Variants in SLC4A10 observed in about 807,000 individuals in gnomAD.
SLC4A10 encodes the protein solute carrier family 4 member 10.
In SLC4A10, 42 loss-of-function variants were observed where a neutral mutation model predicts 137.7. The observed-to-expected ratio is 0.30, with a 90% confidence interval of 0.24 to 0.39. The LOEUF is 0.39. Among genes scored for constraint, SLC4A10 ranks in the 10% least tolerant of loss-of-function variants. The pLI is 1.00. For missense variants in SLC4A10, 925 were observed against 1,355.0 expected (o/e 0.68, Z 4.98); for synonymous variants, 474 against 464.1 (o/e 1.02, Z -0.27).
chr2:161,786,216 G>T (rs73017158), intron 2 of SLC4A10, among the ~76,000 whole-genome samples: 2,978 of 151,400 alleles, frequency 0.02, 99 homozygotes, highest in African/African-American at 0.067. Context: ...TATAAATTCT[G>T]TTTTTTTCTG....
At chr2:161,779,185 A>G (rs1009947713) in intron 2 of SLC4A10, among the ~76,000 whole-genome samples, 1 of 151,906 alleles carries the variant, frequency 6.6e-6, no homozygotes, top group Non-Finnish European at 1.5e-5. Flanking sequence ...CTTGAGGGAG[A>G]TAATCCATTT....
intron 1 of SLC4A10, among the ~76,000 whole-genome samples, chr2:161,630,328 G>A (rs556810237): frequency 6.6e-6 from 1 of 151,724 alleles, no homozygotes; most frequent in Non-Finnish European, 1.5e-5. Context: ...TTTGGTATTA[G>A]GGTGATGGCC....
intron 15 of SLC4A10, among the ~76,000 whole-genome samples, chr2:161,914,460 G>A (rs1457651008): frequency 6.6e-6 from 1 of 152,066 alleles, no homozygotes; most frequent in Non-Finnish European, 1.5e-5. Flanking sequence ...GGCTCAAAGA[G>A]GTTTGTGTAC....
At chr2:161,701,143 C>T (rs1384551345) in intron 1 of SLC4A10, among the ~76,000 whole-genome samples, 1 of 151,982 alleles carries the variant, frequency 6.6e-6, no homozygotes, top group Non-Finnish European at 1.5e-5. Flanking sequence ...ATCCCAAGGG[C>T]AAAACCAGGA....
intron 2 of SLC4A10, among the ~76,000 whole-genome samples, chr2:161,802,476 C>G (rs878943031): frequency 6.6e-6 from 1 of 152,040 alleles, no homozygotes; most frequent in Admixed American, 6.6e-5. Context: ...TCAGTTATCC[C>G]TTTCAAAGAA....
intron 1 of SLC4A10, among the ~76,000 whole-genome samples, chr2:161,748,614 C>A (rs1394023943): frequency 6.6e-6 from 1 of 152,050 alleles, no homozygotes; most frequent in East Asian, 1.9e-4. Flanking sequence ...TATTTCTGGA[C>A]TTTACACTCT....
At chr2:161,721,900 CT>C (rs1337377847) in intron 1 of SLC4A10, among the ~76,000 whole-genome samples, 1 of 152,218 alleles carries the variant, frequency 6.6e-6, no homozygotes, top group African/African-American at 2.4e-5. Context: ...ATTCTTCTTT[CT>C]CTAATCTTGT....
chr2:161,885,308 T>A (rs1205180696), intron 10 of SLC4A10, among the ~76,000 whole-genome samples: 1 of 152,158 alleles, frequency 6.6e-6, no homozygotes, highest in African/African-American at 2.4e-5. Flanking sequence ...TGCATTGGAG[T>A]GCATTATCAA....
chr2:161,891,990 G>A (rs2062976849), intron 10 of SLC4A10, among the ~76,000 whole-genome samples: 1 of 152,028 alleles, frequency 6.6e-6, no homozygotes, highest in Non-Finnish European at 1.5e-5. Context: ...ACTGAAATCA[G>A]ACTGTTAAGT....
intron 1 of SLC4A10, among the ~76,000 whole-genome samples, chr2:161,633,874 T>C (rs1196058891): frequency 6.6e-6 from 1 of 151,828 alleles, no homozygotes; most frequent in African/African-American, 2.4e-5. Context: ...AAAGTAAATA[T>C]AAACTAATTT....
intron 1 of SLC4A10, among the ~76,000 whole-genome samples, chr2:161,643,892 T>C (rs1450661583): frequency 1.3e-5 from 2 of 152,096 alleles, no homozygotes; most frequent in Non-Finnish European, 2.9e-5. Flanking sequence ...TGGGGTGGAT[T>C]CAAAATAAGA....
intron 1 of SLC4A10, among the ~76,000 whole-genome samples, chr2:161,726,858 G>A (rs1180392840): frequency 2.0e-5 from 3 of 152,214 alleles, no homozygotes; most frequent in East Asian, 1.9e-4. Context: ...GCAGTGGGCC[G>A]AGACTGTGCC....
At chr2:161,744,024 CT>C (rs913364047) in intron 1 of SLC4A10, among the ~76,000 whole-genome samples, 32 of 152,052 alleles carry the variant, frequency 2.1e-4, no homozygotes, top group African/African-American at 6.3e-4. Flanking sequence ...CTCTAGTAGG[CT>C]TTTTTTGTGG....
intron 2 of SLC4A10, among the ~76,000 whole-genome samples, chr2:161,776,856 G>GGTGTGT (rs71009340): frequency 0.029 from 4,084 of 143,182 alleles, 128 homozygotes; most frequent in African/African-American, 0.083. Flanking sequence ...CTTATTTTCT[G>GGTGTGT]GTGTGTGTGT....
chr2:161,966,176 G>A (rs2105920707), intron 23 of SLC4A10, among the ~76,000 whole-genome samples: 1 of 152,174 alleles, frequency 6.6e-6, no homozygotes, highest in East Asian at 1.9e-4. Context: ...TTCTTTCTCA[G>A]AAATTTATAC....
chr2:161,964,837 T>A (rs770951265), intron 22 of SLC4A10, among the ~76,000 whole-genome samples: 1 of 152,158 alleles, frequency 6.6e-6, no homozygotes, highest in African/African-American at 2.4e-5. Flanking sequence ...GACTCCCATA[T>A]TGGTTAAAAT....
chr2:161,915,978 A>G (rs1687029447), intron 15 of SLC4A10, among the ~76,000 whole-genome samples: 1 of 152,164 alleles, frequency 6.6e-6, no homozygotes, highest in East Asian at 1.9e-4. Context: ...AGTGAGAAAT[A>G]TTTCCAAACT....
intron 1 of SLC4A10, among the ~76,000 whole-genome samples, chr2:161,646,371 T>C (rs2105531986): frequency 6.6e-6 from 1 of 152,132 alleles, no homozygotes; most frequent in East Asian, 1.9e-4. Context: ...ATGATGCCTT[T>C]AAACCAAATG....
chr2:161,744,956 G>T (rs1040578876), intron 1 of SLC4A10, among the ~76,000 whole-genome samples: 7 of 152,038 alleles, frequency 4.6e-5, no homozygotes, highest in Non-Finnish European at 1.0e-4. Context: ...GTGATTGCTT[G>T]TTGCTCATTA....
Sources: gnomAD v4.1 joint callset for allele counts (sites outside exome capture counted in the v4.1 genomes callset) on GRCh38, gnomAD v4.1.1 for gene constraint, MANE v1.5 for transcripts, NCBI Gene and HGNC (gene_info 2026-07-23, HGNC 2026-07-21) for gene names.